MALT1: variants seen among roughly 807,000 people sequenced by gnomAD.
The protein encoded by MALT1 is mucosa-associated lymphoid tissue lymphoma translocation protein 1.
Under a neutral mutation model 85.5 loss-of-function variants are expected in MALT1, and 36 were observed. The observed-to-expected ratio is 0.42, with a 90% CI of 0.32 to 0.56. The LOEUF is 0.56. MALT1 is among the 20% of genes least tolerant of loss of function. The probability of loss-of-function intolerance (pLI) is 0.10; values close to 1 mark genes in which losing one functional copy is unlikely to be tolerated. For synonymous variants in MALT1, 359 were observed against 361.3 expected, an observed-to-expected ratio of 0.99 and a Z score of 0.07; for missense variants, 716 against 981.6, an observed-to-expected ratio of 0.73 and a Z score of 3.62.
Position 58,710,035 on chromosome 18 carries a change from A to C in MALT1, c.888A>C (p.Arg296=), listed in dbSNP as rs1225983226. ...GTYWCHVYND[R]DSQDSKKVEI... is the part of the protein sequence containing the mutation. ...ACTGGTGTCATGTATATAATGATCG[A>C]GACAGTCAAGATAGCAAGAAGGTAG... The change falls in exon 6 of 17, where the codon CGA becomes CGC. Residue 296 remains arginine, a synonymous_variant. Coordinates refer to ENST00000649217, the MANE Select transcript of MALT1 (RefSeq NM_006785.4). 6.2e-7 allele frequency: 1 copy of C among 1,612,460 alleles called. No individual in the cohort carries two copies. Among genetic ancestry groups the C allele is most frequent in the Non-Finnish European group, 8.5e-7 (1 of 1,179,052 alleles).
chr18:58,713,373 C>T (rs1602313507), intron 7 of MALT1, among the ~76,000 whole-genome samples: 2 of 152,254 alleles, frequency 1.3e-5, no homozygotes, highest in African/African-American at 4.8e-5. Context: ...AAACACCTTA[C>T]ACCTTGAGAA....
intron 4 of MALT1, among the ~76,000 whole-genome samples, chr18:58,705,414 A>G (rs993562480): frequency 1.7e-4 from 26 of 150,292 alleles, no homozygotes; most frequent in African/African-American, 6.4e-4. Flanking sequence ...ATGCTGGTGC[A>G]CTGCACCCAC....
chr18:58,737,879 G>A (rs139742141), intron 13 of MALT1, among the ~76,000 whole-genome samples: 90 of 152,230 alleles, frequency 5.9e-4, no homozygotes, highest in African/African-American at 2.0e-3. Flanking sequence ...CACCACGCCC[G>A]GCCCACCTTA....
chr18:58,704,775 T>A (rs1041875905), intron 4 of MALT1, among the ~76,000 whole-genome samples: 3 of 151,980 alleles, frequency 2.0e-5, no homozygotes, highest in South Asian at 2.1e-4. Flanking sequence ...TAAGCTTTTT[T>A]GTATAGTATA....
chr18:58,735,277 C>G lies in MALT1; in HGVS notation c.1551C>G (p.Asp517Glu). 6.2e-7 allele frequency: 1 copy of G among 1,609,222 alleles called. No homozygotes were observed. Among genetic ancestry groups the G allele is most frequent in the Admixed American group, 1.7e-5 (1 of 59,472 alleles). ...ANGIFMKFLK[D>E]RLLEDKKITV... ...GAATCTTTATGAAATTTTTAAAAGA[C>G]AGATTATTAGAAGATAAGAAAATCA... is the stretch of plus-strand genomic sequence containing the variant. Residue 517 changes from aspartate to glutamate, a missense_variant, in exon 13 of 17, where the codon GAC becomes GAG. Physicochemically the swap from Asp to Glu is conservative, Grantham distance 45. Transcript: ENST00000649217.
At chr18:58,685,076 A>G (rs2054381793) in intron 2 of MALT1, among the ~76,000 whole-genome samples, 1 of 152,184 alleles carries the variant, frequency 6.6e-6, no homozygotes. Flanking sequence ...AAATATATAT[A>G]TATAGTAAGT....
Position 58,719,327 on chromosome 18 carries a change from C to T in MALT1, c.1018+3360C>T, listed in dbSNP as rs542279682. Among the ~76,000 whole-genome samples, 16 of 116,758 alleles carry T rather than the reference C, an allele frequency of 1.4e-4. 1 individual carries two copies. Among genetic ancestry groups the T allele is most frequent in the Admixed American group, 1.2e-3 (16 of 13,316 alleles). 76.6% of individuals were successfully genotyped at this position (116,758 alleles called of 152,430 possible). A position where few individuals can be genotyped will look rare whatever the true frequency, so the allele number is the denominator to read the frequency against. ...AAAAAATCTCCCTCCCTCTCTCTCTCTCTTTCTCTTCCTCTTACTCTGTCT... is the reference window on the plus strand; with the variant it reads ...AAAAAATCTCCCTCCCTCTCTCTCTTTCTTTCTCTTCCTCTTACTCTGTCT... On this transcript the variant is annotated intron_variant, in intron 9 of 16. Transcript: ENST00000649217.
chr18:58,723,158 G>T lies in MALT1; in HGVS notation c.1129G>T (p.Asp377Tyr). 6.2e-7 allele frequency: 1 copy of T among 1,613,972 alleles called. No individual in the cohort carries two copies. Among genetic ancestry groups the T allele is most frequent in the Non-Finnish European group, 8.5e-7 (1 of 1,179,944 alleles). The stretch of plus-strand genomic sequence containing the variant: ...ATTGACTAACTTACTGAGACAGCTG[G>T]ACTTCAAAGTGGTTTCACTGTTGGA... ...YELTNLLRQLDFKVVSLLDLT... is the reference protein window; with the variant it reads ...YELTNLLRQLYFKVVSLLDLT... The change falls in exon 10 of 17, where the codon GAC becomes TAC. Residue 377 changes from aspartate (D) to tyrosine (Y), a missense_variant. Asp to Tyr is a radical substitution (Grantham distance 160). This residue lies in a region of MALT1 where 86 missense variants were observed against 212.3 expected (regional missense o/e 0.41). Coordinates refer to ENST00000649217, the MANE Select transcript of MALT1 (RefSeq NM_006785.4).
chr18:58,718,812 G>A (rs1012299287), intron 9 of MALT1, among the ~76,000 whole-genome samples: 6 of 152,184 alleles, frequency 3.9e-5, no homozygotes, highest in African/African-American at 1.2e-4. Flanking sequence ...CAGATTAGTC[G>A]AGGAGAGTTA....
At chr18:58,738,827 T>A (rs920498895) in intron 13 of MALT1, among the ~76,000 whole-genome samples, 3 of 152,050 alleles carry the variant, frequency 2.0e-5, no homozygotes, top group African/African-American at 7.2e-5. Flanking sequence ...GCTTATTGAT[T>A]TAGAGGAATG....
At chr18:58,680,187 A>G (rs925560683) in intron 1 of MALT1, among the ~76,000 whole-genome samples, 1 of 152,248 alleles carries the variant, frequency 6.6e-6, no homozygotes, top group African/African-American at 2.4e-5. Flanking sequence ...CTCTCCATGT[A>G]TAAGAACACA....
At chr18:58,734,569 A>T in intron 12 of MALT1, 188 bp downstream of exon 12, 3 of 560,226 alleles carry the variant, frequency 5.4e-6, no homozygotes, top group Non-Finnish European at 9.6e-6. Flanking sequence ...GATTACAGGC[A>T]TGTGCCACTG....
In MALT1 at chr18:58,734,343, A is replaced by G. The variant is rs780525815; in HGVS notation, c.1437A>G (p.Ala479=). 9.9e-6 allele frequency: 16 copies of G among 1,613,752 alleles called. No individual in the cohort carries two copies. Among genetic ancestry groups the G allele is most frequent in the East Asian group, 6.7e-5 (3 of 44,892 alleles). ...ATGATACCATTCCAATCTTGGATGC[A>G]CTAAAAGTCACCGCCAATATTGTGT... The part of the protein sequence containing the change: ...DYDDTIPILD[A]LKVTANIVFG... Residue 479 remains alanine (A), a synonymous_variant, in exon 12 of 17, where the codon GCA becomes GCG. Coordinates refer to ENST00000649217, the MANE Select transcript of MALT1 (RefSeq NM_006785.4).
chr18:58,691,877 A>T (rs1219874693), intron 2 of MALT1, among the ~76,000 whole-genome samples: 1 of 150,430 alleles, frequency 6.6e-6, no homozygotes. Flanking sequence ...CGTCTCAAAA[A>T]AAAAAAACAA....
At position 58,748,823 on chromosome 18, in the gene MALT1, G is replaced by A. The variant is rs866981022; in HGVS notation, c.*981G>A. On this transcript the variant is annotated 3_prime_UTR_variant, in exon 17 of 17. Coordinates refer to ENST00000649217, the MANE Select transcript of MALT1 (RefSeq NM_006785.4). ...CACAAAGAAAATCCCAGGCCTAGAT[G>A]GCTGCATTGTTGAATTCTGCCAAAC... 3.4e-5 allele frequency: 7 copies of A among 203,002 alleles called. No homozygotes were observed. The highest frequency in any genetic ancestry group is 1.7e-3 in the Middle Eastern group (1 of 580). The allele number at this position is 203,002 out of a possible 1,614,324, so 12.6% of individuals were successfully genotyped here.
chr18:58,722,171 C>A (rs1488241534), intron 9 of MALT1, among the ~76,000 whole-genome samples: 1 of 151,530 alleles, frequency 6.6e-6, no homozygotes, highest in Admixed American at 6.6e-5. Flanking sequence ...TAACCATTGA[C>A]CCCATTCCAG....
chr18:58,671,725 G>T lies in MALT1; in HGVS notation c.82G>T (p.Ala28Ser), dbSNP rs1371809896. The change falls in exon 1 of 17, where the codon GCG becomes TCG. Residue 28 changes from alanine (A) to serine (S), a missense_variant. Coordinates refer to ENST00000649217, the MANE Select transcript of MALT1 (RefSeq NM_006785.4). ...TGPLLAPPAGATLNRLREPLL... is the reference protein window; with the variant it reads ...TGPLLAPPAGSTLNRLREPLL... ...GCCGCTGCTCGCCCCTCCGGCCGGC[G>T]CGACCCTCAACCGCCTGCGGGAGCC... The T allele has an allele frequency of 3.9e-6, 5 of 1,281,038 alleles. No homozygotes were observed. The highest frequency in any genetic ancestry group is 7.4e-5 in the Admixed American group (2 of 27,022). 79.4% of individuals were successfully genotyped at this position (1,281,038 alleles called of 1,614,324 possible). A position where few individuals can be genotyped will look rare whatever the true frequency, so the allele number is the denominator to read the frequency against.
At chr18:58,720,327 G>C (rs1027454843) in intron 9 of MALT1, among the ~76,000 whole-genome samples, 4 of 151,888 alleles carry the variant, frequency 2.6e-5, no homozygotes, top group Non-Finnish European at 5.9e-5. Flanking sequence ...TTTCTCTGTC[G>C]TGTCCTTTTT....
intron 10 of MALT1, among the ~76,000 whole-genome samples, chr18:58,724,143 C>G (rs1368019344): frequency 6.6e-6 from 1 of 152,076 alleles, no homozygotes; most frequent in Non-Finnish European, 1.5e-5. Context: ...TGAATTTACT[C>G]TTGTTATTTA....
Sources: allele counts gnomAD v4.1 joint callset (sites outside exome capture counted in the v4.1 genomes callset), GRCh38; gene constraint gnomAD v4.1.1; regional missense constraint gnomAD v4.1.1; transcripts MANE v1.5; gene names NCBI Gene and HGNC (gene_info 2026-07-23, HGNC 2026-07-21).